Variants in ANKRD17 observed in about 807,000 individuals in gnomAD.
The protein encoded by ANKRD17 is ankyrin repeat domain-containing protein 17.
ANKRD17 carries 19 observed loss-of-function variants against 229.7 expected under a neutral mutation model. The ratio of observed to expected loss-of-function variants is 0.08; its 90% CI spans 0.06 to 0.12. ANKRD17 has a LOEUF of 0.12. ANKRD17 is among the 10% of genes least tolerant of loss of function. ANKRD17 has a pLI of 1.00. For missense variants in ANKRD17, 2,176 were observed against 3,176.8 expected, an observed-to-expected ratio of 0.68 and a Z score of 7.57; for synonymous variants, 1,112 against 1,146.1, an observed-to-expected ratio of 0.97 and a Z score of 0.60.
chr4:73,110,109 G>A (rs1294135745), intron 24 of ANKRD17, among the ~76,000 whole-genome samples: 2 of 151,202 alleles, frequency 1.3e-5, no homozygotes, highest in Non-Finnish European at 2.9e-5. Context: ...ATGAAGTGAA[G>A]GGGGTGAAAT....
At chr4:73,232,968 C>T (rs1364321741) in intron 1 of ANKRD17, among the ~76,000 whole-genome samples, 1 of 152,168 alleles carries the variant, frequency 6.6e-6, no homozygotes, top group African/African-American at 2.4e-5. Context: ...AGTGATCCAC[C>T]CGCCTTGGCC....
intron 1 of ANKRD17, among the ~76,000 whole-genome samples, chr4:73,228,059 C>A (rs559159425): frequency 1.3e-5 from 2 of 152,096 alleles, no homozygotes; most frequent in Admixed American, 6.5e-5. Flanking sequence ...AGAAAAAAAA[C>A]TAAAACAATT....
Position 73,078,832 on chromosome 4 carries a change from T to C in ANKRD17, c.7218A>G (p.Ser2406=). 1 of 1,614,164 alleles carries C rather than the reference T, an allele frequency of 6.2e-7. No individual in the cohort carries two copies. Among genetic ancestry groups the C allele is most frequent in the Non-Finnish European group, 8.5e-7 (1 of 1,180,020 alleles). The change falls in exon 31 of 34, where the codon TCA becomes TCG. Residue 2406 remains serine (S), a synonymous_variant. Transcript: ENST00000358602. ...GVRAPSPAPS[S]VPLGSEKPSN... is the part of the protein sequence containing the mutation. ...TGGGCTTTTCTGACCCTAACGGTAC[T>C]GATGATGGGGCAGGAGATGGTGCAC...
rs1209154542 is a variant in ANKRD17, at chr4:73,141,754, G to A, written c.2319C>T (p.Pro773=). 6.2e-7 allele frequency: 1 copy of A among 1,613,544 alleles called. No individual in the cohort carries two copies. Among genetic ancestry groups the A allele is most frequent in the Non-Finnish European group, 8.5e-7 (1 of 1,179,544 alleles). Residue 773 remains proline, a synonymous_variant, in exon 14 of 34, where the codon CCC becomes CCT. Transcript: ENST00000358602. ...AGTATAACTGACCTTTATTCCTGAT[G>A]GGAAGAGTGGTGGCAACATTGGCAG... The part of the protein sequence containing the change: ...KPPANVATTL[P]IRNKAASKQK...
Position 73,076,928 on chromosome 4 carries a change from G to T in ANKRD17, c.7752+12C>A. ...CAAAACAACTGTTTATTCACTGAAT[G>T]ATCAGCCTCACCGTTTGAGGGCCAT... On this transcript the variant is annotated intron_variant, in intron 33 of 33. Transcript: ENST00000358602. 1 of 1,602,036 alleles carries T rather than the reference G, an allele frequency of 6.2e-7. No individual in the cohort carries two copies. The highest frequency in any genetic ancestry group is 8.5e-7 in the Non-Finnish European group (1 of 1,175,302).
At chr4:73,186,855 C>T (rs1736363786) in intron 1 of ANKRD17, among the ~76,000 whole-genome samples, 1 of 152,054 alleles carries the variant, frequency 6.6e-6, no homozygotes, top group African/African-American at 2.4e-5. Context: ...TAGTAGGATG[C>T]AATTCAATTA....
Position 73,107,615 on chromosome 4 carries a change from T to C in ANKRD17, c.4402-5068A>G, listed in dbSNP as rs557713920. 6.6e-5 allele frequency among the ~76,000 whole-genome samples: 10 copies of C among 152,262 alleles called. No homozygotes were observed. In the South Asian group the frequency reaches 2.1e-3, roughly 32 times the overall value. On this transcript the variant is annotated intron_variant, in intron 24 of 33. Transcript: ENST00000358602. ...GGTAATCAGTGTACCCCTCATGAGA[T>C]GAAGTTAAGTGAACACCTGAAGGAC...
At chr4:73,133,550 C>G (rs953388848) in intron 16 of ANKRD17, among the ~76,000 whole-genome samples, 1 of 151,826 alleles carries the variant, frequency 6.6e-6, no homozygotes, top group African/African-American at 2.4e-5. Flanking sequence ...GCCACAATGC[C>G]CAGCTAATTT....
At chr4:73,184,181 A>G (rs945385761) in intron 1 of ANKRD17, among the ~76,000 whole-genome samples, 5 of 152,198 alleles carry the variant, frequency 3.3e-5, no homozygotes, top group African/African-American at 9.6e-5. Flanking sequence ...ATACTAGAGA[A>G]GAATGGTTCG....
rs1189932147 is a variant in ANKRD17, at chr4:73,258,703, G to C, written c.-35C>G. 1.3e-5 allele frequency: 18 copies of C among 1,426,128 alleles called. 1 individual carries two copies. The East Asian group carries it at 5.2e-4, about 41-fold the overall frequency. 88.3% of individuals were successfully genotyped at this position (1,426,128 alleles called of 1,614,324 possible). Reference sequence around the variant, plus strand: ...AAGAGGGAGGGCGCGGACGGGGGAGGGGCGTGGGGCTACGCTCTACCGCGA... The same window carrying C: ...AAGAGGGAGGGCGCGGACGGGGGAGCGGCGTGGGGCTACGCTCTACCGCGA... On this transcript the variant is annotated 5_prime_UTR_variant, in exon 1 of 34. Coordinates refer to ENST00000358602, the MANE Select transcript of ANKRD17 (RefSeq NM_032217.5).
intron 27 of ANKRD17, 107 bp from the exon 28 acceptor site, chr4:73,094,335 A>C: frequency 9.9e-7 from 1 of 1,008,540 alleles, no homozygotes; most frequent in Non-Finnish European, 1.4e-6. Flanking sequence ...TAAATACAGA[A>C]TATTGTTGAA....
intron 1 of ANKRD17, among the ~76,000 whole-genome samples, chr4:73,204,375 A>AAAAAG (rs1378596760): frequency 2.8e-4 from 42 of 150,154 alleles, no homozygotes; most frequent in African/African-American, 8.1e-4. Context: ...AAAAAAAAAA[A>AAAAAG]AAAAGAAAAG....
intron 24 of ANKRD17, among the ~76,000 whole-genome samples, chr4:73,108,369 T>C (rs900805210): frequency 2.0e-5 from 3 of 152,098 alleles, no homozygotes; most frequent in Non-Finnish European, 4.4e-5. Flanking sequence ...GGGCTAGAGA[T>C]ACAAATTTGG....
intron 1 of ANKRD17, among the ~76,000 whole-genome samples, chr4:73,210,683 T>A (rs1740131632): frequency 6.6e-6 from 1 of 152,188 alleles, no homozygotes; most frequent in Admixed American, 6.5e-5. Context: ...ATACTCTGTA[T>A]AAACAATGTG....
chr4:73,240,806 CTTTTTTTTTTT>C (rs111961579), intron 1 of ANKRD17, among the ~76,000 whole-genome samples: 2 of 127,056 alleles, frequency 1.6e-5, no homozygotes, highest in African/African-American at 3.1e-5. Context: ...AGTACTTATT[CTTTTTTTTTTT>C]TTTTTTTTTG....
At chr4:73,196,498 CCA>C (rs1578355646) in intron 1 of ANKRD17, among the ~76,000 whole-genome samples, 1 of 152,102 alleles carries the variant, frequency 6.6e-6, no homozygotes, top group African/African-American at 2.4e-5. Context: ...CAAATATGTA[CCA>C]TATATACACG....
At chr4:73,185,753 T>G (rs955028045) in intron 1 of ANKRD17, among the ~76,000 whole-genome samples, 5 of 152,046 alleles carry the variant, frequency 3.3e-5, no homozygotes, top group African/African-American at 1.2e-4. Context: ...ATATAACTCA[T>G]ACATATAAAA....
At chr4:73,114,858 T>C (rs1303602115) in intron 23 of ANKRD17, among the ~76,000 whole-genome samples, 1 of 152,194 alleles carries the variant, frequency 6.6e-6, no homozygotes, top group Non-Finnish European at 1.5e-5. Context: ...AGATTTGTTG[T>C]CCTCTTTGGT....
intron 30 of ANKRD17, among the ~76,000 whole-genome samples, chr4:73,079,967 G>A (rs533218221): frequency 1.3e-5 from 2 of 152,108 alleles, no homozygotes; most frequent in East Asian, 1.9e-4. Flanking sequence ...TTAGCCGGGC[G>A]TGGTGGCACG....
Sources: gnomAD v4.1 joint callset for allele counts (sites outside exome capture counted in the v4.1 genomes callset) on GRCh38, gnomAD v4.1.1 for gene constraint, MANE v1.5 for transcripts, NCBI Gene and HGNC (gene_info 2026-07-23, HGNC 2026-07-21) for gene names.